Variants in SCD5 observed in about 807,000 individuals in gnomAD.
The protein encoded by SCD5 is stearoyl-CoA desaturase 5.
Under a neutral mutation model 30.4 loss-of-function variants are expected in SCD5, and 20 were observed. That is an observed-to-expected ratio of 0.66 (90% CI 0.46 to 0.96). The LOEUF (loss-of-function observed/expected upper bound fraction) is 0.96. Ranked by LOEUF, SCD5 falls within the 40% of genes least tolerant of loss-of-function variation. SCD5 has a pLI of 0.00. For synonymous variants in SCD5, 173 were observed against 176.4 expected, an observed-to-expected ratio of 0.98 and a Z score of 0.16; for missense variants, 381 against 443.3, an observed-to-expected ratio of 0.86 and a Z score of 1.26.
chr4:82,720,271 AT>A lies in SCD5; in HGVS notation c.233-14859del, dbSNP rs1720338224. ...AGTGAGACACCATCTCTACAGAAAAATTTTTTTAAAAATTAGTTGGGTGTGG... is the reference window on the plus strand; with the variant it reads ...AGTGAGACACCATCTCTACAGAAAAATTTTTTAAAAATTAGTTGGGTGTGG... On this transcript the variant is annotated intron_variant, in intron 1 of 4. Transcript: ENST00000319540. Among the ~76,000 whole-genome samples the A allele has an allele frequency of 4.0e-5, 6 of 151,680 alleles. No individual in the cohort carries two copies. In the South Asian group the frequency reaches 1.3e-3, roughly 32 times the overall value.
At chr4:82,777,657 C>G (rs1721772486) in intron 1 of SCD5, among the ~76,000 whole-genome samples, 1 of 152,156 alleles carries the variant, frequency 6.6e-6, no homozygotes, top group African/African-American at 2.4e-5. Flanking sequence ...TCATTTTGTA[C>G]TGGGCCCTAT....
At chr4:82,758,042 C>G (rs1039318748) in intron 1 of SCD5, among the ~76,000 whole-genome samples, 2 of 152,136 alleles carry the variant, frequency 1.3e-5, no homozygotes, top group African/African-American at 4.8e-5. Flanking sequence ...TTCCAAGAGA[C>G]TGGGTTAGTG....
chr4:82,741,891 T>A (rs78713030), intron 1 of SCD5, among the ~76,000 whole-genome samples: 9,949 of 149,148 alleles, frequency 0.067, 479 homozygotes, highest in East Asian at 0.14. Context: ...AGAGCTTTTG[T>A]TGGGGGAGCT....
chr4:82,702,352 C>T (rs982824241), intron 2 of SCD5, among the ~76,000 whole-genome samples: 3 of 151,672 alleles, frequency 2.0e-5, no homozygotes, highest in African/African-American at 4.8e-5. Context: ...GCCATGTTGG[C>T]CAGGCTGCTC....
chr4:82,718,955 C>G (rs116393703), intron 1 of SCD5, among the ~76,000 whole-genome samples: 5 of 151,632 alleles, frequency 3.3e-5, no homozygotes, highest in Admixed American at 3.3e-4. Flanking sequence ...CAAGCACGTA[C>G]GAGCACCTTC....
At chr4:82,749,007 C>T (rs1168083636) in intron 1 of SCD5, among the ~76,000 whole-genome samples, 2 of 152,150 alleles carry the variant, frequency 1.3e-5, no homozygotes, top group African/African-American at 2.4e-5. Flanking sequence ...GGGGGCAATT[C>T]GACTAGGTCT....
chr4:82,752,737 A>C (rs1880717), intron 1 of SCD5, among the ~76,000 whole-genome samples: 6 of 151,964 alleles, frequency 3.9e-5, no homozygotes, highest in Non-Finnish European at 8.8e-5. Flanking sequence ...CAGTTCTTTC[A>C]CGCTTCTCTC....
chr4:82,701,149 T>A (rs138717316), intron 2 of SCD5, among the ~76,000 whole-genome samples: 41 of 152,366 alleles, frequency 2.7e-4, no homozygotes, highest in South Asian at 1.2e-3. Context: ...GGTACTATTA[T>A]GAAGTGGTAC....
chr4:82,742,384 G>A (rs1022758797), intron 1 of SCD5, among the ~76,000 whole-genome samples: 2 of 152,204 alleles, frequency 1.3e-5, no homozygotes, highest in Non-Finnish European at 2.9e-5. Context: ...GTCTCACAGG[G>A]CCACCTACTG....
chr4:82,733,761 G>T (rs1720691345), intron 1 of SCD5, among the ~76,000 whole-genome samples: 1 of 152,138 alleles, frequency 6.6e-6, no homozygotes, highest in Admixed American at 6.5e-5. Flanking sequence ...CCTGAATGGG[G>T]CCATGGGAAT....
At chr4:82,697,873 T>G (rs1719729247) in intron 2 of SCD5, among the ~76,000 whole-genome samples, 1 of 152,230 alleles carries the variant, frequency 6.6e-6, no homozygotes, top group African/African-American at 2.4e-5. Context: ...GACAATGCTT[T>G]AATGAATTGA....
At chr4:82,719,485 A>G (rs1331347070) in intron 1 of SCD5, among the ~76,000 whole-genome samples, 1 of 150,542 alleles carries the variant, frequency 6.6e-6, no homozygotes. Flanking sequence ...CTTTATACCA[A>G]TACAGTTGTA....
At chr4:82,789,810 G>A (rs576645926) in intron 1 of SCD5, among the ~76,000 whole-genome samples, 1 of 152,190 alleles carries the variant, frequency 6.6e-6, no homozygotes, top group African/African-American at 2.4e-5. Context: ...AGAATGAGGG[G>A]GAATGGGAAC....
Position 82,631,403 on chromosome 4 carries a change from A to C in SCD5, c.917T>G (p.Leu306Arg). The change falls in exon 5 of 5, where the codon CTG becomes CGG. Residue 306 changes from leucine (L) to arginine (R), a missense_variant. Transcript: ENST00000319540. The part of the protein sequence containing the change: ...WFIDFMCWLG[L>R]ATDRKRATKP... ...GGTTGCCCGTTTGCGGTCAGTGGCC[A>C]GCCCCAGCCAGCACATGAAATCAAT... The C allele has an allele frequency of 6.2e-7, 1 of 1,614,170 alleles. No homozygotes were observed. Among genetic ancestry groups the C allele is most frequent in the South Asian group, 1.1e-5 (1 of 91,088 alleles).
At chr4:82,719,176 C>T (rs1214204784) in intron 1 of SCD5, among the ~76,000 whole-genome samples, 1 of 151,818 alleles carries the variant, frequency 6.6e-6, no homozygotes, top group Non-Finnish European at 1.5e-5. Flanking sequence ...AAAGATCTGG[C>T]AATGTCAGGC....
intron 1 of SCD5, among the ~76,000 whole-genome samples, chr4:82,760,875 T>C (rs1276323396): frequency 6.6e-6 from 1 of 152,214 alleles, no homozygotes; most frequent in Admixed American, 6.5e-5. Context: ...TGTGCCTGGT[T>C]CATTCCTTTT....
At chr4:82,781,648 G>A (rs2148851474) in intron 1 of SCD5, among the ~76,000 whole-genome samples, 1 of 152,160 alleles carries the variant, frequency 6.6e-6, no homozygotes, top group Admixed American at 6.5e-5. Context: ...CCTTATGAAG[G>A]AATTAATGCC....
chr4:82,717,567 G>T (rs1720255264), intron 1 of SCD5, among the ~76,000 whole-genome samples: 1 of 151,762 alleles, frequency 6.6e-6, no homozygotes, highest in Admixed American at 6.5e-5. Context: ...ATCACTATAG[G>T]TATATGCATG....
chr4:82,796,804 C>G (rs28410161), intron 1 of SCD5, among the ~76,000 whole-genome samples: 10,785 of 152,110 alleles, frequency 0.071, 908 homozygotes, highest in African/African-American at 0.2. Context: ...TTGGCAGTGT[C>G]GGAGTGTGTT....
Sources: gnomAD v4.1 joint callset for allele counts (sites outside exome capture counted in the v4.1 genomes callset) on GRCh38, gnomAD v4.1.1 for gene constraint, MANE v1.5 for transcripts, NCBI Gene and HGNC (gene_info 2026-07-23, HGNC 2026-07-21) for gene names.